Variants in PTPRE observed in about 807,000 individuals in gnomAD.
The protein encoded by PTPRE is receptor-type tyrosine-protein phosphatase epsilon.
A neutral mutation model predicts 102.0 loss-of-function variants in PTPRE; 51 were observed. The ratio of observed to expected loss-of-function variants is 0.50; its 90% CI spans 0.40 to 0.63. PTPRE has a LOEUF of 0.63. Ranked by LOEUF, PTPRE falls within the 30% of genes least tolerant of loss-of-function variation. PTPRE has a pLI of 0.00. For synonymous variants in PTPRE, 345 were observed against 348.2 expected, an observed-to-expected ratio of 0.99 and a Z score of 0.10; for missense variants, 752 against 915.1, an observed-to-expected ratio of 0.82 and a Z score of 2.30.
chr10:127,989,960 T>A (rs1011235701), intron 2 of PTPRE, among the ~76,000 whole-genome samples: 3 of 152,224 alleles, frequency 2.0e-5, no homozygotes, highest in Admixed American at 1.3e-4. Context: ...TTATCAGGTA[T>A]CTCTTGCAAG....
chr10:127,961,659 G>A (rs1465043365), intron 1 of PTPRE, among the ~76,000 whole-genome samples: 4 of 152,168 alleles, frequency 2.6e-5, no homozygotes, highest in South Asian at 2.1e-4. Flanking sequence ...AAAGCGGGCC[G>A]CTAGGACTGG....
In PTPRE at chr10:128,062,829, C is replaced by A. The variant is rs188666954; in HGVS notation, c.626-254C>A. The A allele has an allele frequency of 1.6e-4, 83 of 533,722 alleles. 1 individual carries two copies. In the East Asian group the frequency reaches 1.8e-3, roughly 12 times the overall value. The allele number at this position is 533,722 out of a possible 1,614,324, so 33.1% of individuals were successfully genotyped here. A position where few individuals can be genotyped will look rare whatever the true frequency, so the allele number is the denominator to read the frequency against. On this transcript the variant is annotated intron_variant, in intron 9 of 20. Coordinates refer to ENST00000254667, the MANE Select transcript of PTPRE (RefSeq NM_006504.6). ...GCCCTCATCTGAACCCTGCTTCTTA[C>A]CTGTGAACGTCATAACTCAACCTGG...
intron 7 of PTPRE, among the ~76,000 whole-genome samples, chr10:128,060,209 CCACA>C (rs562143620): frequency 6.7e-6 from 1 of 150,042 alleles, no homozygotes; most frequent in Admixed American, 6.6e-5. Context: ...ACCATACACA[CCACA>C]CACACACCAC....
intron 2 of PTPRE, among the ~76,000 whole-genome samples, chr10:128,005,413 G>C (rs985747107): frequency 1.2e-4 from 18 of 152,230 alleles, no homozygotes; most frequent in African/African-American, 4.3e-4. Flanking sequence ...TTCACAAAGA[G>C]AGAACAGGCT....
At chr10:127,980,949 G>A (rs1010562010) in intron 1 of PTPRE, among the ~76,000 whole-genome samples, 11 of 152,120 alleles carry the variant, frequency 7.2e-5, no homozygotes, top group Admixed American at 6.5e-5. Context: ...CAGTGCAGAC[G>A]TGCAGTGACG....
rs188765246 is a variant in PTPRE at position 127,974,148 on chromosome 10, A to G, written c.-30-8126A>G. On this transcript the variant is annotated intron_variant, in intron 1 of 20. Transcript: ENST00000254667. ...CCTTGTGGCTTCAGCCCAAAGCCAA[A>G]GGTCTCTGCAGCATTCCGGGATCTG... Among the ~76,000 whole-genome samples, 492 of 152,306 alleles carry G rather than the reference A, an allele frequency of 3.2e-3. 3 individuals are homozygous for G. Among genetic ancestry groups the G allele is most frequent in the African/African-American group, 0.01 (432 of 41,574 alleles).
intron 1 of PTPRE, among the ~76,000 whole-genome samples, chr10:127,963,693 C>T (rs538244758): frequency 3.9e-5 from 6 of 151,996 alleles, no homozygotes; most frequent in African/African-American, 9.7e-5. Flanking sequence ...TGTGTGCATG[C>T]ATGCGTGCGT....
Position 128,055,523 on chromosome 10 carries a change from G to A in PTPRE, c.421-600G>A, listed in dbSNP as rs115608048. Among the ~76,000 whole-genome samples the A allele has an allele frequency of 9.8e-3, 1,489 of 152,224 alleles. 30 individuals are homozygous for A. The highest frequency in any genetic ancestry group is 0.034 in the African/African-American group (1,400 of 41,518). ...TTCGTGCTGATTCTGTGGGTCTGGG[G>A]TGTGGACAGAGCATCTGCATTTCTA... On this transcript the variant is annotated intron_variant, in intron 6 of 20. Transcript: ENST00000254667.
intron 2 of PTPRE, among the ~76,000 whole-genome samples, chr10:127,988,382 C>T (rs118174619): frequency 0.014 from 1,998 of 141,554 alleles, 30 homozygotes; most frequent in Non-Finnish European, 0.021. Flanking sequence ...CTGGGCTCTT[C>T]GCAAACTTTG....
chr10:128,050,788 G>A (rs1448852026), intron 6 of PTPRE, among the ~76,000 whole-genome samples: 6 of 152,174 alleles, frequency 3.9e-5, no homozygotes, highest in African/African-American at 1.4e-4. Context: ...TGGAATGGGA[G>A]GCTCAGACAA....
chr10:128,033,693 A>G (rs1846961132), intron 2 of PTPRE, among the ~76,000 whole-genome samples: 2 of 152,212 alleles, frequency 1.3e-5, no homozygotes, highest in South Asian at 4.1e-4. Context: ...CACCCAGGCT[A>G]GAGTGCAGTG....
chr10:127,981,581 C>T (rs1851619686), intron 1 of PTPRE, among the ~76,000 whole-genome samples: 2 of 152,010 alleles, frequency 1.3e-5, no homozygotes, highest in Admixed American at 6.6e-5. Context: ...ACTTTGTGAG[C>T]CCGAGGCGAG....
intron 2 of PTPRE, among the ~76,000 whole-genome samples, chr10:128,030,546 C>T (rs968965948): frequency 3.3e-5 from 5 of 152,142 alleles, no homozygotes; most frequent in Non-Finnish European, 7.4e-5. Context: ...TGTCAGTCCC[C>T]GACACCTTAT....
rs929925255 is a variant in PTPRE at position 128,083,504 on chromosome 10, A to C, written c.*598A>C. On this transcript the variant is annotated 3_prime_UTR_variant, in exon 21 of 21. Coordinates refer to ENST00000254667, the MANE Select transcript of PTPRE (RefSeq NM_006504.6). ...CACACTAGAGTAGCTGGTGACTATAAATAATATTTTAAAATGCTGTGTCTA... is the reference window on the plus strand; with the variant it reads ...CACACTAGAGTAGCTGGTGACTATACATAATATTTTAAAATGCTGTGTCTA... 6.6e-6 allele frequency: 1 copy of C among 152,270 alleles called. No individual in the cohort carries two copies. The highest frequency in any genetic ancestry group is 1.5e-5 in the Non-Finnish European group (1 of 68,096). The allele number at this position is 152,270 out of a possible 1,614,324, so 9.4% of individuals were successfully genotyped here. A position where few individuals can be genotyped will look rare whatever the true frequency, so the allele number is the denominator to read the frequency against.
At chr10:128,024,320 A>C (rs1426008327) in intron 2 of PTPRE, among the ~76,000 whole-genome samples, 1 of 152,176 alleles carries the variant, frequency 6.6e-6, no homozygotes, top group African/African-American at 2.4e-5. Flanking sequence ...TGTAAGGTTC[A>C]CTTCTTTAAA....
chr10:128,048,517 C>T (rs116926731), intron 5 of PTPRE, among the ~76,000 whole-genome samples: 1,932 of 152,280 alleles, frequency 0.013, 20 homozygotes, highest in Middle Eastern at 0.024. Flanking sequence ...CTAAAATAGA[C>T]TCTTAAAACG....
intron 7 of PTPRE, 35 bp from the exon 8 acceptor site, chr10:128,060,904 C>A (rs1450503418): frequency 6.3e-7 from 1 of 1,590,230 alleles, no homozygotes; most frequent in Non-Finnish European, 8.6e-7. Flanking sequence ...ATTCCTGGTC[C>A]TAATATCTTG....
At position 127,913,456 on chromosome 10, in the gene PTPRE, A is replaced by G. The variant is rs566314343; in HGVS notation, c.-31+6147A>G. Reference sequence around the variant, plus strand: ...CTCAACTGAGATTTTTAAATGTCCTATCACATAGCTACTTGATTACAGTGT... The same window carrying G: ...CTCAACTGAGATTTTTAAATGTCCTGTCACATAGCTACTTGATTACAGTGT... On this transcript the variant is annotated intron_variant, in intron 1 of 20. Coordinates refer to ENST00000254667, the MANE Select transcript of PTPRE (RefSeq NM_006504.6). 2.6e-4 allele frequency among the ~76,000 whole-genome samples: 40 copies of G among 152,330 alleles called. No homozygotes were observed. The South Asian group carries it at 2.7e-3, about 10-fold the overall frequency.
intron 3 of PTPRE, among the ~76,000 whole-genome samples, chr10:128,043,549 G>A (rs776972641): frequency 1.3e-5 from 2 of 152,244 alleles, no homozygotes; most frequent in Non-Finnish European, 2.9e-5. Context: ...GGGAGTTAGA[G>A]ACCTCCGCTG....
Sources: allele counts gnomAD v4.1 joint callset (sites outside exome capture counted in the v4.1 genomes callset), GRCh38; gene constraint gnomAD v4.1.1; transcripts MANE v1.5; gene names NCBI Gene and HGNC (gene_info 2026-07-23, HGNC 2026-07-21).